The following LTBP1 variants were observed in gnomAD, a reference collection of about 807,000 sequenced individuals.
LTBP1 encodes latent transforming growth factor beta binding protein 1.
In LTBP1, 129 loss-of-function variants were observed where a neutral mutation model predicts 207.6. That is an observed-to-expected ratio of 0.62 (90% CI 0.54 to 0.72). The LOEUF (loss-of-function observed/expected upper bound fraction) is 0.72. Ranked by LOEUF, LTBP1 falls within the 30% of genes least tolerant of loss-of-function variation. The pLI is 0.00. For missense variants in LTBP1, 2,281 were observed against 2,217.2 expected (o/e 1.03, Z -0.58); for synonymous variants, 963 against 833.7 (o/e 1.16, Z -2.67).
chr2:33,364,710 T>C (rs1266866986), intron 30 of LTBP1, among the ~76,000 whole-genome samples: 1 of 152,134 alleles, frequency 6.6e-6, no homozygotes. Flanking sequence ...AGGATGTGGA[T>C]AAGGCTCAGC....
intron 12 of LTBP1, among the ~76,000 whole-genome samples, chr2:33,258,415 T>C (rs897083159): frequency 7.2e-5 from 11 of 152,300 alleles, no homozygotes; most frequent in Non-Finnish European, 1.0e-4. Context: ...TAGTGTTGTG[T>C]TGGGAGTTTG....
chr2:33,213,431 A>C (rs537556134), intron 7 of LTBP1, among the ~76,000 whole-genome samples: 1 of 152,242 alleles, frequency 6.6e-6, no homozygotes, highest in Non-Finnish European at 1.5e-5. Flanking sequence ...GCGTGAGCCT[A>C]TATCTGTGTG....
intron 2 of LTBP1, among the ~76,000 whole-genome samples, chr2:33,011,851 T>A (rs1687714046): frequency 6.6e-6 from 1 of 152,062 alleles, no homozygotes; most frequent in African/African-American, 2.4e-5. Flanking sequence ...AAATCCTGAA[T>A]CAGTGGGGTC....
At chr2:33,046,400 A>G (rs1452937128) in intron 3 of LTBP1, among the ~76,000 whole-genome samples, 1 of 152,180 alleles carries the variant, frequency 6.6e-6, no homozygotes, top group African/African-American at 2.4e-5. Context: ...GGTTCTGTTT[A>G]TGTGATGGAT....
chr2:32,986,934 C>T (rs1410881487), intron 2 of LTBP1, among the ~76,000 whole-genome samples: 2 of 152,108 alleles, frequency 1.3e-5, no homozygotes, highest in Admixed American at 1.3e-4. Flanking sequence ...TGTTCCCATC[C>T]CTGAACCAAT....
chr2:33,161,298 C>T (rs112533753), intron 5 of LTBP1, among the ~76,000 whole-genome samples: 23 of 131,412 alleles, frequency 1.8e-4, no homozygotes, highest in African/African-American at 6.4e-4. Flanking sequence ...CTTGCCCTGT[C>T]TCCCAGGCTG....
rs1285269704 is a variant in LTBP1 at position 33,365,407 on chromosome 2, C to T, written c.4615C>T (p.Pro1539Ser). The T allele has an allele frequency of 1.2e-6, 2 of 1,614,062 alleles. No homozygotes were observed. The highest frequency in any genetic ancestry group is 3.3e-4 in the Middle Eastern group (2 of 6,084). The change falls in exon 31 of 34, where the codon CCT (proline) becomes TCT (serine). Residue 1539 changes from proline (P) to serine (S), a missense_variant. Pro to Ser is a moderately conservative substitution (Grantham distance 74). This residue lies in a region of LTBP1 where 1,671 missense variants were observed against 1,634.8 expected (regional missense o/e 1.02). Coordinates refer to ENST00000404816, the MANE Select transcript of LTBP1 (RefSeq NM_206943.4). The stretch of plus-strand genomic sequence containing the variant: ...GAGTGATGAATACGTGTGTAGCCGG[C>T]CTCTTGTGGGCAAGCAGACAACGTA... The part of the protein sequence containing the change: ...HLSDEYVCSR[P>S]LVGKQTTYTE...
chr2:32,958,201 C>G (rs1678408465), intron 2 of LTBP1, among the ~76,000 whole-genome samples: 1 of 152,198 alleles, frequency 6.6e-6, no homozygotes, highest in Admixed American at 6.5e-5. Context: ...AAGTTAACTC[C>G]ATTCACAAAA....
At chr2:33,359,230 G>T (rs1232969594) in intron 26 of LTBP1, among the ~76,000 whole-genome samples, 1 of 152,172 alleles carries the variant, frequency 6.6e-6, no homozygotes, top group African/African-American at 2.4e-5. Context: ...TCTGTGTTCT[G>T]AGAGGAGTAT....
At chr2:33,079,329 A>G (rs496695) in intron 3 of LTBP1, among the ~76,000 whole-genome samples, 114,537 of 152,084 alleles carry the variant, frequency 0.75, 45,368 homozygotes, top group East Asian at 0.98. Context: ...TGAAATGGGA[A>G]CACACACATG....
At chr2:33,103,905 T>G (rs866387031) in intron 3 of LTBP1, among the ~76,000 whole-genome samples, 1 of 152,138 alleles carries the variant, frequency 6.6e-6, no homozygotes, top group African/African-American at 2.4e-5. Flanking sequence ...ACTTTCCTCC[T>G]GAATCCCTGT....
intron 24 of LTBP1, among the ~76,000 whole-genome samples, chr2:33,339,861 T>A (rs2094596289): frequency 6.6e-6 from 1 of 152,000 alleles, no homozygotes; most frequent in Non-Finnish European, 1.5e-5. Context: ...GTCAGGCTGG[T>A]CTTGAACTCC....
intron 2 of LTBP1, among the ~76,000 whole-genome samples, chr2:32,981,228 G>T (rs1305680353): frequency 2.0e-5 from 3 of 151,894 alleles, no homozygotes; most frequent in Non-Finnish European, 4.4e-5. Context: ...GCCCCATTGC[G>T]GCCATTTTCT....
At chr2:33,271,362 A>G (rs571186622) in intron 15 of LTBP1, among the ~76,000 whole-genome samples, 1 of 152,092 alleles carries the variant, frequency 6.6e-6, no homozygotes, top group Non-Finnish European at 1.5e-5. Context: ...AGAGATGAGT[A>G]TAAAGATAGG....
chr2:33,144,045 C>G (rs1432414757), intron 5 of LTBP1, among the ~76,000 whole-genome samples: 12 of 151,942 alleles, frequency 7.9e-5, no homozygotes, highest in Non-Finnish European at 1.5e-5. Context: ...ACCTTTGTCT[C>G]TTTCTGAAGA....
At chr2:33,172,978 C>A (rs570195897) in intron 5 of LTBP1, among the ~76,000 whole-genome samples, 2 of 151,914 alleles carry the variant, frequency 1.3e-5, no homozygotes, top group African/African-American at 4.8e-5. Flanking sequence ...CACAACATAC[C>A]AGAATCTCTG....
At chr2:33,372,037 ACCTGC>A in intron 31 of LTBP1, among the ~76,000 whole-genome samples, 1 of 152,308 alleles carries the variant, frequency 6.6e-6, no homozygotes, top group Admixed American at 6.5e-5. Flanking sequence ...GTTGAGTACT[ACCTGC>A]AGTTTAAGGC....
intron 3 of LTBP1, among the ~76,000 whole-genome samples, chr2:33,083,803 G>GTGAC (rs2149910975): frequency 6.6e-6 from 1 of 152,314 alleles, no homozygotes; most frequent in South Asian, 2.1e-4. Flanking sequence ...GAAACGATCA[G>GTGAC]TGACTGAAAA....
At chr2:33,098,916 G>A (rs981417865) in intron 3 of LTBP1, among the ~76,000 whole-genome samples, 17 of 152,192 alleles carry the variant, frequency 1.1e-4, no homozygotes, top group Non-Finnish European at 2.4e-4. Flanking sequence ...GACCTACCAA[G>A]TTGAGGCTTA....
Sources: allele counts gnomAD v4.1 joint callset (sites outside exome capture counted in the v4.1 genomes callset), GRCh38; gene constraint gnomAD v4.1.1; regional missense constraint gnomAD v4.1.1; transcripts MANE v1.5; gene names NCBI Gene and HGNC (gene_info 2026-07-23, HGNC 2026-07-21).